RIMOC1: variants seen among roughly 807,000 people sequenced by gnomAD.
RIMOC1 encodes RAB7A-interacting MON1-CCZ1 complex subunit 1.
At chr5:41,909,691 G>C in the RIMOC1 span, 2 of 1,270,034 alleles carry the variant, frequency 1.6e-6, no homozygotes, top group Non-Finnish European at 1.1e-6. Context: ...TGTAAGAATT[G>C]TTTTTTTTCA....
the RIMOC1 span, chr5:41,917,611 A>G: frequency 1.0e-6 from 1 of 998,410 alleles, no homozygotes; most frequent in Non-Finnish European, 1.2e-6. Context: ...TTTTTTTTTT[A>G]TTGTGGTATA....
the RIMOC1 span, chr5:41,908,161 G>GC: frequency 5.0e-6 from 1 of 200,130 alleles, no homozygotes; most frequent in East Asian, 1.5e-4. Flanking sequence ...GGGAGCAGGG[G>GC]AGTATATAAG....
chr5:41,913,675 T>G, the RIMOC1 span, among the ~76,000 whole-genome samples: 1 of 152,200 alleles, frequency 6.6e-6, no homozygotes, highest in African/African-American at 2.4e-5. Flanking sequence ...ATTAAATATG[T>G]TTTAATTCTT....
the RIMOC1 span, chr5:41,918,691 CCT>C: frequency 6.1e-5 from 60 of 985,386 alleles, no homozygotes; most frequent in African/African-American, 9.9e-4. Flanking sequence ...ACTAGGGTGG[CCT>C]CTCTCCCATT....
the RIMOC1 span, chr5:41,907,991 C>G: frequency 4.9e-6 from 3 of 606,912 alleles, no homozygotes; most frequent in African/African-American, 5.7e-5. Flanking sequence ...AACACAAAAA[C>G]TTAAAACTTT....
chr5:41,919,766 G>C, the RIMOC1 span: 1 of 152,082 alleles, frequency 6.6e-6, no homozygotes. Flanking sequence ...TGTTTTCATA[G>C]GCTTTTTAAA....
At chr5:41,906,929 G>T in the RIMOC1 span, among the ~76,000 whole-genome samples, 2 of 152,202 alleles carry the variant, frequency 1.3e-5, no homozygotes, top group Non-Finnish European at 2.9e-5. Context: ...AACTCAGAGA[G>T]TTTAGTGTCT....
chr5:41,917,586 AT>A, the RIMOC1 span: 1 of 972,646 alleles, frequency 1.0e-6, no homozygotes, highest in Non-Finnish European at 1.2e-6. Flanking sequence ...CTTTACAAAG[AT>A]TTTTTCTATT....
the RIMOC1 span, chr5:41,918,413 C>T: frequency 4.1e-6 from 4 of 985,618 alleles, no homozygotes; most frequent in Non-Finnish European, 4.8e-6. Context: ...CCCCTTCCTC[C>T]TAAACTGTCA....
At chr5:41,920,157 C>T in the RIMOC1 span, 2 of 152,222 alleles carry the variant, frequency 1.3e-5, no homozygotes, top group South Asian at 2.1e-4. Context: ...ATTTTACCTT[C>T]GTGACCCTGG....
At chr5:41,907,808 C>A in the RIMOC1 span, 1 of 1,607,516 alleles carries the variant, frequency 6.2e-7, no homozygotes, top group Non-Finnish European at 8.5e-7. Flanking sequence ...AAAGAATGTT[C>A]AAATCCATCA....
chr5:41,910,318 C>T, the RIMOC1 span, among the ~76,000 whole-genome samples: 4 of 152,088 alleles, frequency 2.6e-5, no homozygotes, highest in South Asian at 4.1e-4. Flanking sequence ...ACTTCTTCAT[C>T]TCTGAAATGT....
At chr5:41,907,772 A>T in the RIMOC1 span, 2 of 1,609,790 alleles carry the variant, frequency 1.2e-6, no homozygotes, top group South Asian at 2.2e-5. Flanking sequence ...GCATTAGAAA[A>T]ATTGAAACTC....
At chr5:41,915,212 A>G in the RIMOC1 span, among the ~76,000 whole-genome samples, 1 of 152,204 alleles carries the variant, frequency 6.6e-6, no homozygotes, top group African/African-American at 2.4e-5. Flanking sequence ...TAAAAGGGTT[A>G]TAAAAATTGC....
the RIMOC1 span, chr5:41,916,597 A>G: frequency 2.5e-6 from 1 of 394,116 alleles, no homozygotes; most frequent in South Asian, 1.1e-4. Flanking sequence ...ATCCTAGAGC[A>G]TACCCCAAAA....
chr5:41,921,338 T>G, the RIMOC1 span: 1 of 152,492 alleles, frequency 6.6e-6, no homozygotes, highest in African/African-American at 2.4e-5. Flanking sequence ...TTTCTCTTTC[T>G]ACCTTACAGG....
chr5:41,913,793 A>G, the RIMOC1 span, among the ~76,000 whole-genome samples: 1 of 152,224 alleles, frequency 6.6e-6, no homozygotes, highest in African/African-American at 2.4e-5. Context: ...CTTTCTGCTC[A>G]TTTAGACAAA....
At chr5:41,920,890 A>C in the RIMOC1 span, 1 of 152,208 alleles carries the variant, frequency 6.6e-6, no homozygotes, top group East Asian at 1.9e-4. Context: ...CATTTTTTAC[A>C]CTTGGGGTTT....
At chr5:41,917,307 A>C in the RIMOC1 span, 1 of 1,580,778 alleles carries the variant, frequency 6.3e-7, no homozygotes, top group Non-Finnish European at 8.6e-7. Context: ...TAGTAAGTTC[A>C]TCTAGTCCTT....
Sources: gnomAD v4.1 joint callset for allele counts (sites outside exome capture counted in the v4.1 genomes callset) on GRCh38, gnomAD v4.1.1 for gene constraint, MANE v1.5 for transcripts, NCBI Gene and HGNC (gene_info 2026-07-23, HGNC 2026-07-21) for gene names.